The following ADAM19 variants were observed in gnomAD, a reference collection of about 807,000 sequenced individuals.
ADAM19 encodes the protein disintegrin and metalloproteinase domain-containing protein 19.
In ADAM19, 65 loss-of-function variants were observed where a neutral mutation model predicts 114.7. The observed-to-expected ratio is 0.57, with a 90% CI of 0.46 to 0.70. ADAM19 has a LOEUF of 0.70. ADAM19 is among the 30% of genes least tolerant of loss of function. ADAM19 has a pLI of 0.00. For missense variants in ADAM19, 1,063 were observed against 1,204.7 expected (o/e 0.88, Z 1.74); for synonymous variants, 466 against 460.5 (o/e 1.01, Z -0.15).
intron 10 of ADAM19, among the ~76,000 whole-genome samples, chr5:157,506,847 A>G (rs1457068541): frequency 6.6e-6 from 1 of 152,216 alleles, no homozygotes; most frequent in Non-Finnish European, 1.5e-5. Flanking sequence ...GCTTGAAGAT[A>G]CGGAATGAAC....
intron 19 of ADAM19, among the ~76,000 whole-genome samples, chr5:157,489,444 G>C (rs78566849): frequency 0.021 from 3,205 of 152,204 alleles, 52 homozygotes; most frequent in Non-Finnish European, 0.032. Context: ...ACCCTTTTAA[G>C]ACCCTTCCCC....
intron 10 of ADAM19, 136 bp from the exon 11 acceptor site, chr5:157,505,944 G>C: frequency 1.0e-6 from 1 of 973,924 alleles, no homozygotes; most frequent in Non-Finnish European, 1.5e-6. Context: ...CTCTCCATAT[G>C]TGCCTCTGAC....
intron 1 of ADAM19, among the ~76,000 whole-genome samples, chr5:157,575,384 C>A (rs1478269219): frequency 1.3e-5 from 2 of 152,234 alleles, no homozygotes; most frequent in African/African-American, 4.8e-5. Flanking sequence ...AGCGGACCGG[C>A]TGTTTTCTGG....
chr5:157,490,187 G>A (rs1176231099), intron 19 of ADAM19, 123 bp downstream of exon 19: 5 of 1,058,144 alleles, frequency 4.7e-6, no homozygotes, highest in Non-Finnish European at 7.1e-6. Context: ...AGGGCAGCAT[G>A]TATCTTGCAC....
intron 3 of ADAM19, among the ~76,000 whole-genome samples, chr5:157,553,552 T>C (rs1002713118): frequency 6.6e-6 from 1 of 152,182 alleles, no homozygotes; most frequent in Non-Finnish European, 1.5e-5. Context: ...GGGGAGGTAT[T>C]TGTGGAGTGA....
chr5:157,499,903 G>C (rs577559289), intron 12 of ADAM19, among the ~76,000 whole-genome samples: 2 of 150,392 alleles, frequency 1.3e-5, no homozygotes, highest in Admixed American at 6.7e-5. Context: ...CTCAGCCTCC[G>C]AAGTAACTCA....
chr5:157,561,016 A>AGT (rs1365557856), intron 3 of ADAM19, among the ~76,000 whole-genome samples: 2 of 152,218 alleles, frequency 1.3e-5, no homozygotes, highest in Non-Finnish European at 2.9e-5. Context: ...ACTGAGGCTT[A>AGT]AAGAGGCTAC....
At chr5:157,545,161 C>A (rs549702927) in intron 3 of ADAM19, among the ~76,000 whole-genome samples, 80 of 152,290 alleles carry the variant, frequency 5.3e-4, no homozygotes, top group South Asian at 4.8e-3. Context: ...TCTTAGCATA[C>A]TAAGACACAG....
chr5:157,564,389 C>G lies in ADAM19; in HGVS notation c.235G>C (p.Asp79His). Residue 79 changes from aspartate to histidine, a missense_variant, in exon 3 of 23, where the codon GAC becomes CAC. Around this residue, in one of 3 missense-constraint regions of ADAM19, gnomAD observed 615 missense variants for 706.3 expected, o/e 0.87. Transcript: ENST00000257527. ...TCCACTTACTCATTCTTCTCCAGGT[C>G]CAGGATCAGTTCTCGCCCCTCAGCC... ...VMAEGRELIL[D>H]LEKNEQLFAP... The G allele has an allele frequency of 1.2e-6, 2 of 1,614,156 alleles. No homozygotes were observed. Among genetic ancestry groups the G allele is most frequent in the Non-Finnish European group, 1.7e-6 (2 of 1,180,012 alleles).
At position 157,493,011 on chromosome 5, in the gene ADAM19, C is replaced by T. The variant is rs747773326; in HGVS notation, c.1870G>A (p.Gly624Arg). 6.2e-7 allele frequency: 1 copy of T among 1,614,240 alleles called. No individual in the cohort carries two copies. The highest frequency in any genetic ancestry group is 8.5e-7 in the Non-Finnish European group (1 of 1,180,044). Reference protein sequence around the residue: ...PEEEGDMLDPGLVMTGTKCGY... With the variant: ...PEEEGDMLDPRLVMTGTKCGY... ...CACTTGGTTCCAGTCATCACCAGCCCTGGGTCCAGCATGTCACCCTCCTCC... is the reference window on the plus strand; with the variant it reads ...CACTTGGTTCCAGTCATCACCAGCCTTGGGTCCAGCATGTCACCCTCCTCC... Residue 624 changes from glycine (G) to arginine (R), a missense_variant, in exon 16 of 23, where the codon GGG becomes AGG. By Grantham distance (125) the Gly-to-Arg change is moderately radical (BLOSUM62 -2). Around this residue, in one of 3 missense-constraint regions of ADAM19, gnomAD observed 424 missense variants for 445.5 expected, o/e 0.95. Transcript: ENST00000257527.
rs1467221600 is a variant in ADAM19 at position 157,518,908 on chromosome 5, C to T, written c.601-20G>A. 6.2e-7 allele frequency: 1 copy of T among 1,609,534 alleles called. No individual in the cohort carries two copies. Among genetic ancestry groups the T allele is most frequent in the South Asian group, 1.1e-5 (1 of 90,944 alleles). Reference sequence around the variant, plus strand: ...TTTCATCTAAGAAAGAGAAACAGATCAGCGCTGTAGAAATAGTGGACTTGG... The same window carrying T: ...TTTCATCTAAGAAAGAGAAACAGATTAGCGCTGTAGAAATAGTGGACTTGG... On this transcript the variant is annotated intron_variant, in intron 6 of 22. Coordinates refer to ENST00000257527, the MANE Select transcript of ADAM19 (RefSeq NM_033274.5).
chr5:157,535,527 A>G (rs1756738819), intron 4 of ADAM19, among the ~76,000 whole-genome samples: 1 of 152,260 alleles, frequency 6.6e-6, no homozygotes, highest in Non-Finnish European at 1.5e-5. Context: ...AGAGTCTAGT[A>G]GCAGGGGATG....
Position 157,502,818 on chromosome 5 carries a change from G to A in ADAM19, c.1293C>T (p.Asp431=). The A allele has an allele frequency of 6.2e-7, 1 of 1,613,952 alleles. No homozygotes were observed. The highest frequency in any genetic ancestry group is 8.5e-7 in the Non-Finnish European group (1 of 1,179,956). Reference sequence around the variant, plus strand: ...GACCCCTCACCTCTTCTTCTCCACAGTCACACTCTTCCCCATCTTCCAGAT... The same window carrying A: ...GACCCCTCACCTCTTCTTCTCCACAATCACACTCTTCCCCATCTTCCAGAT... ...NGYLEDGEEC[D]CGEEEECNNP... Residue 431 remains aspartate, a synonymous_variant, in exon 12 of 23, where the codon GAC becomes GAT. Coordinates refer to ENST00000257527, the MANE Select transcript of ADAM19 (RefSeq NM_033274.5).
At chr5:157,521,025 G>A (rs916281916) in intron 5 of ADAM19, among the ~76,000 whole-genome samples, 10 of 152,168 alleles carry the variant, frequency 6.6e-5, no homozygotes, top group South Asian at 2.1e-4. Flanking sequence ...CTTGTGAAGC[G>A]TTGAGTGTAA....
chr5:157,493,486 C>G (rs954453161), intron 15 of ADAM19, among the ~76,000 whole-genome samples: 2 of 152,168 alleles, frequency 1.3e-5, no homozygotes, highest in Non-Finnish European at 2.9e-5. Flanking sequence ...TACCGCTGTC[C>G]ACCCAGGAGT....
intron 2 of ADAM19, among the ~76,000 whole-genome samples, chr5:157,565,483 C>A (rs1581359430): frequency 6.6e-6 from 1 of 152,186 alleles, no homozygotes; most frequent in East Asian, 1.9e-4. Context: ...CTTTGGGAGG[C>A]CGAGGCAGGC....
intron 1 of ADAM19, among the ~76,000 whole-genome samples, chr5:157,574,577 T>G (rs1342817358): frequency 6.6e-6 from 1 of 152,116 alleles, no homozygotes; most frequent in Non-Finnish European, 1.5e-5. Context: ...TCGCTCTATT[T>G]GAAAACGCTG....
At chr5:157,549,973 G>A (rs1345214300) in intron 3 of ADAM19, among the ~76,000 whole-genome samples, 2 of 152,168 alleles carry the variant, frequency 1.3e-5, no homozygotes, top group Admixed American at 6.5e-5. Flanking sequence ...AACTTTACCC[G>A]AAGTGAAAGT....
At chr5:157,575,450 A>T in intron 1 of ADAM19, 153 bp downstream of exon 1, 1 of 526,806 alleles carries the variant, frequency 1.9e-6, no homozygotes, top group Non-Finnish European at 3.1e-6. Flanking sequence ...CGTGGGAACA[A>T]AGCCCGGGCT....
Sources: allele counts gnomAD v4.1 joint callset (sites outside exome capture counted in the v4.1 genomes callset), GRCh38; gene constraint gnomAD v4.1.1; regional missense constraint gnomAD v4.1.1; transcripts MANE v1.5; gene names NCBI Gene and HGNC (gene_info 2026-07-23, HGNC 2026-07-21).